The following LHFPL4 variants were observed in gnomAD, a reference collection of about 807,000 sequenced individuals.
LHFPL4 encodes LHFPL tetraspan subfamily member 4 protein.
Under a neutral mutation model 20.0 loss-of-function variants are expected in LHFPL4, and 6 were observed. The ratio of observed to expected loss-of-function variants is 0.30; its 90% CI spans 0.16 to 0.59. LHFPL4 has a LOEUF of 0.59. LHFPL4 is among the 20% of genes least tolerant of loss of function. The pLI is 0.88. For synonymous variants in LHFPL4, 129 were observed against 143.8 expected, an observed-to-expected ratio of 0.90 and a Z score of 0.74; for missense variants, 215 against 331.2, an observed-to-expected ratio of 0.65 and a Z score of 2.72.
intron 2 of LHFPL4, among the ~76,000 whole-genome samples, chr3:9,507,295 G>A (rs2046225553): frequency 6.6e-6 from 1 of 152,210 alleles, no homozygotes; most frequent in African/African-American, 2.4e-5. Context: ...GTAGTGTGGA[G>A]AGAGGTACGT....
chr3:9,544,482 A>G (rs758543935), intron 2 of LHFPL4, among the ~76,000 whole-genome samples: 5 of 151,798 alleles, frequency 3.3e-5, no homozygotes, highest in African/African-American at 7.2e-5. Context: ...AAAATTAGCT[A>G]GGCATGGTGG....
rs2046373090 is a variant in LHFPL4 at position 9,526,082 on chromosome 3, A to G, written c.407-19879T>C. On this transcript the variant is annotated intron_variant, in intron 2 of 3. Coordinates refer to ENST00000287585, the MANE Select transcript of LHFPL4 (RefSeq NM_198560.3). Reference sequence around the variant, plus strand: ...AATTCTGACACATGATACAACATGGAGGAATCCTGAAGACACTTTGCTAGG... The same window carrying G: ...AATTCTGACACATGATACAACATGGGGGAATCCTGAAGACACTTTGCTAGG... Among the ~76,000 whole-genome samples the G allele has an allele frequency of 1.3e-5, 2 of 152,232 alleles. 1 individual carries two copies. Among genetic ancestry groups the G allele is most frequent in the South Asian group, 4.1e-4 (2 of 4,834 alleles).
At chr3:9,525,385 C>A (rs2633798) in intron 2 of LHFPL4, among the ~76,000 whole-genome samples, 6,189 of 152,320 alleles carry the variant, frequency 0.041, 177 homozygotes, top group Non-Finnish European at 0.061. Context: ...GGTTTCTGCT[C>A]ATGGGTTCCT....
chr3:9,524,817 C>T (rs1052093421), intron 2 of LHFPL4, among the ~76,000 whole-genome samples: 5 of 152,144 alleles, frequency 3.3e-5, no homozygotes, highest in Non-Finnish European at 7.4e-5. Context: ...TAATTTTTTT[C>T]TTGATAGCTG....
At chr3:9,511,910 GGCTGCATCC>G (rs1004143062) in intron 2 of LHFPL4, among the ~76,000 whole-genome samples, 2 of 150,904 alleles carry the variant, frequency 1.3e-5, no homozygotes, top group African/African-American at 2.4e-5. Context: ...CAGGAGGCTT[GGCTGCATCC>G]TTTACATGGC....
chr3:9,541,057 A>G (rs1030625674), intron 2 of LHFPL4, among the ~76,000 whole-genome samples: 3 of 151,816 alleles, frequency 2.0e-5, no homozygotes, highest in Non-Finnish European at 2.9e-5. Context: ...CTCCTGCCTC[A>G]GCCTCCCTGA....
intron 2 of LHFPL4, among the ~76,000 whole-genome samples, chr3:9,512,554 C>T (rs2046268277): frequency 2.0e-5 from 3 of 152,172 alleles, no homozygotes; most frequent in Admixed American, 2.0e-4. Flanking sequence ...AATATCTATT[C>T]ATCCCTTCTT....
intron 3 of LHFPL4, among the ~76,000 whole-genome samples, chr3:9,503,843 T>C (rs2046195932): frequency 6.6e-6 from 1 of 152,060 alleles, no homozygotes; most frequent in Admixed American, 6.5e-5. Context: ...CTGGGCAACA[T>C]GGGGAAACCT....
intron 2 of LHFPL4, among the ~76,000 whole-genome samples, chr3:9,538,426 C>G (rs1339232091): frequency 6.6e-6 from 1 of 152,194 alleles, no homozygotes; most frequent in Non-Finnish European, 1.5e-5. Context: ...CTCCCTTGTT[C>G]TAGCACAGGC....
rs775313565 is a variant in LHFPL4, at chr3:9,502,207, C to T, written c.*4G>A. The T allele has an allele frequency of 1.5e-5, 24 of 1,610,960 alleles. 4 individuals are homozygous for T. The South Asian group carries it at 2.5e-4, about 17-fold the overall frequency. On this transcript the variant is annotated 3_prime_UTR_variant, in exon 4 of 4. Coordinates refer to ENST00000287585, the MANE Select transcript of LHFPL4 (RefSeq NM_198560.3). ...GCCAATTACTGGGCTGTGATCCTGG[C>T]CTTTCAGGGTCCCTGTGAGTGAGCC... is the stretch of plus-strand genomic sequence containing the variant.
intron 2 of LHFPL4, among the ~76,000 whole-genome samples, chr3:9,540,763 T>C (rs962293593): frequency 3.3e-5 from 5 of 150,594 alleles, no homozygotes; most frequent in Non-Finnish European, 5.9e-5. Flanking sequence ...TAATGAGGCA[T>C]GGTGGTGTAT....
At chr3:9,516,906 A>C (rs1034575395) in intron 2 of LHFPL4, among the ~76,000 whole-genome samples, 4 of 149,260 alleles carry the variant, frequency 2.7e-5, no homozygotes, top group African/African-American at 1.0e-4. Context: ...CAGCCTCCCG[A>C]GTAGCTGGGA....
At chr3:9,515,405 G>A (rs536189566) in intron 2 of LHFPL4, among the ~76,000 whole-genome samples, 22 of 152,166 alleles carry the variant, frequency 1.4e-4, no homozygotes, top group East Asian at 3.9e-4. Flanking sequence ...ACGGAGTCTC[G>A]CTCTGTTGCC....
chr3:9,503,084 C>A (rs1182458478), intron 3 of LHFPL4, among the ~76,000 whole-genome samples: 1 of 152,104 alleles, frequency 6.6e-6, no homozygotes, highest in East Asian at 1.9e-4. Context: ...AAGCGATCCT[C>A]CTGCCTCAGC....
intron 2 of LHFPL4, among the ~76,000 whole-genome samples, chr3:9,513,513 G>A (rs769550493): frequency 6.6e-6 from 1 of 151,824 alleles, no homozygotes; most frequent in Non-Finnish European, 1.5e-5. Flanking sequence ...AAATTATTTT[G>A]GTAAAGACAG....
intron 2 of LHFPL4, 87 bp downstream of exon 2, chr3:9,552,187 A>G: frequency 6.7e-7 from 1 of 1,500,768 alleles, no homozygotes; most frequent in Non-Finnish European, 8.9e-7. Context: ...AGCAGAATCT[A>G]TCCGACTCCT....
intron 2 of LHFPL4, among the ~76,000 whole-genome samples, chr3:9,545,222 A>C (rs1337478575): frequency 2.0e-5 from 3 of 151,916 alleles, no homozygotes; most frequent in African/African-American, 7.3e-5. Context: ...GAGAGGAAGG[A>C]AGGGAGAATT....
intron 2 of LHFPL4, among the ~76,000 whole-genome samples, chr3:9,529,712 G>A (rs1471836922): frequency 9.2e-5 from 14 of 151,916 alleles, no homozygotes; most frequent in Admixed American, 8.5e-4. Context: ...TCGGCTTACT[G>A]CAACTTCTAC....
At chr3:9,521,921 G>A (rs988604328) in intron 2 of LHFPL4, among the ~76,000 whole-genome samples, 3 of 151,860 alleles carry the variant, frequency 2.0e-5, no homozygotes, top group African/African-American at 7.3e-5. Context: ...TACCATATTT[G>A]TTACTATTTT....
Sources: gnomAD v4.1 joint callset for allele counts (sites outside exome capture counted in the v4.1 genomes callset) on GRCh38, gnomAD v4.1.1 for gene constraint, MANE v1.5 for transcripts, NCBI Gene and HGNC (gene_info 2026-07-23, HGNC 2026-07-21) for gene names.